The following BBX variants were observed in gnomAD, a reference collection of about 807,000 sequenced individuals.
The protein encoded by BBX is HMG box transcription factor BBX.
In BBX, 30 loss-of-function variants were observed where a neutral mutation model predicts 100.2. The ratio of observed to expected loss-of-function variants is 0.30; its 90% CI spans 0.22 to 0.41. BBX has a LOEUF of 0.41. Among genes scored for constraint, BBX ranks in the 10% least tolerant of loss-of-function variants. The pLI, the probability that BBX is intolerant of heterozygous loss-of-function variation, is 1.00. For missense variants in BBX, 1,023 were observed against 1,129.8 expected (o/e 0.91, Z 1.35); for synonymous variants, 376 against 388.1 (o/e 0.97, Z 0.37).
chr3:107,749,383 C>T (rs1433003232), intron 9 of BBX, among the ~76,000 whole-genome samples: 1 of 152,102 alleles, frequency 6.6e-6, no homozygotes, highest in Non-Finnish European at 1.5e-5. Flanking sequence ...ATGTCTGAGC[C>T]AGTTCTATCT....
chr3:107,609,133 A>C (rs1219062732), intron 2 of BBX, among the ~76,000 whole-genome samples: 1 of 151,940 alleles, frequency 6.6e-6, no homozygotes, highest in African/African-American at 2.4e-5. Context: ...CTTGTTCCAG[A>C]TCTTAGAGGA....
At chr3:107,770,091 A>G (rs980179036) in intron 10 of BBX, among the ~76,000 whole-genome samples, 12 of 152,174 alleles carry the variant, frequency 7.9e-5, no homozygotes, top group African/African-American at 2.7e-4. Flanking sequence ...CACAAGAAAT[A>G]TTGTGCTATT....
intron 2 of BBX, among the ~76,000 whole-genome samples, chr3:107,545,360 G>A (rs1464904288): frequency 1.3e-5 from 2 of 152,214 alleles, no homozygotes; most frequent in African/African-American, 4.8e-5. Flanking sequence ...TTGGCAATCT[G>A]TGATGAGGAA....
At chr3:107,587,413 A>T (rs910627885) in intron 2 of BBX, among the ~76,000 whole-genome samples, 6 of 151,860 alleles carry the variant, frequency 4.0e-5, no homozygotes, top group African/African-American at 1.5e-4. Flanking sequence ...TACATATTGG[A>T]ATGATTTGGA....
At position 107,657,423 on chromosome 3, in the gene BBX, C is replaced by T. The variant is rs193178832; in HGVS notation, c.-10+11514C>T. Among the ~76,000 whole-genome samples the T allele has an allele frequency of 6.6e-5, 10 of 152,158 alleles. No homozygotes were observed. The South Asian group carries it at 8.3e-4, about 13-fold the overall frequency. ...GCCTCTGTTTTGTGTGTTTAGTTATCGTAAATTTAGCTTTCACTGTGTTTC... is the reference window on the plus strand; with the variant it reads ...GCCTCTGTTTTGTGTGTTTAGTTATTGTAAATTTAGCTTTCACTGTGTTTC... On this transcript the variant is annotated intron_variant, in intron 3 of 17. Coordinates refer to ENST00000325805, the MANE Select transcript of BBX (RefSeq NM_001142568.3).
chr3:107,741,869 C>T (rs901987921), intron 7 of BBX, among the ~76,000 whole-genome samples: 6 of 152,088 alleles, frequency 3.9e-5, no homozygotes, highest in Non-Finnish European at 2.9e-5. Context: ...GATAGAATTT[C>T]TTATTTCTTT....
chr3:107,727,103 A>T, intron 5 of BBX, among the ~76,000 whole-genome samples: 1 of 152,106 alleles, frequency 6.6e-6, no homozygotes, highest in African/African-American at 2.4e-5. Context: ...CCCCCCCCAA[A>T]AAAAATAGAT....
chr3:107,717,131 G>T (rs1250502923), intron 5 of BBX, among the ~76,000 whole-genome samples: 1 of 152,116 alleles, frequency 6.6e-6, no homozygotes, highest in East Asian at 1.9e-4. Flanking sequence ...TTGATTTATT[G>T]TGAAGGTTTA....
chr3:107,537,227 C>T (rs929324118), intron 2 of BBX, among the ~76,000 whole-genome samples: 31 of 152,226 alleles, frequency 2.0e-4, no homozygotes, highest in African/African-American at 2.9e-4. Flanking sequence ...TTGCTATTAA[C>T]GTCACCATAT....
chr3:107,656,659 C>T lies in BBX; in HGVS notation c.-10+10750C>T, dbSNP rs148404495. Among the ~76,000 whole-genome samples the T allele has an allele frequency of 1.6e-3, 241 of 152,200 alleles. 1 individual carries two copies. Among genetic ancestry groups the T allele is most frequent in the African/African-American group, 5.5e-3 (228 of 41,536 alleles). ...CTGTTTCTTTTTAGAACCTGAACAA[C>T]GTATAGTGGTCTCACTGGAAAAATG... On this transcript the variant is annotated intron_variant, in intron 3 of 17. Transcript: ENST00000325805.
intron 2 of BBX, among the ~76,000 whole-genome samples, chr3:107,587,679 G>T (rs1410425253): frequency 1.3e-5 from 2 of 152,136 alleles, no homozygotes. Flanking sequence ...GGAGATGCGG[G>T]CCCCAACTGA....
intron 2 of BBX, among the ~76,000 whole-genome samples, chr3:107,533,142 A>T (rs1344559324): frequency 1.3e-5 from 2 of 152,182 alleles, no homozygotes; most frequent in African/African-American, 4.8e-5. Flanking sequence ...TATCCTAGAT[A>T]TAGCTAGGAA....
chr3:107,742,162 A>T (rs967438849), intron 7 of BBX, among the ~76,000 whole-genome samples: 2 of 152,118 alleles, frequency 1.3e-5, no homozygotes, highest in African/African-American at 4.8e-5. Flanking sequence ...CTTCTTGAGA[A>T]ATTTGGGGGC....
intron 10 of BBX, 110 bp from the exon 11 acceptor site, chr3:107,772,518 A>C: frequency 8.5e-7 from 1 of 1,180,570 alleles, no homozygotes; most frequent in Non-Finnish European, 1.2e-6. Context: ...TGTAAAGTTT[A>C]AAGTGTGTTT....
At chr3:107,610,567 T>C (rs902841810) in intron 2 of BBX, among the ~76,000 whole-genome samples, 2 of 152,086 alleles carry the variant, frequency 1.3e-5, no homozygotes, top group Non-Finnish European at 2.9e-5. Flanking sequence ...GATTCTCCTG[T>C]TGAATTAACT....
intron 3 of BBX, among the ~76,000 whole-genome samples, chr3:107,690,602 A>G (rs925095176): frequency 4.6e-5 from 7 of 152,168 alleles, no homozygotes; most frequent in Non-Finnish European, 4.4e-5. Flanking sequence ...GTGATTTCCC[A>G]GGTTTATATG....
chr3:107,646,837 A>G lies in BBX; in HGVS notation c.-10+928A>G, dbSNP rs918997882. 5.3e-4 allele frequency among the ~76,000 whole-genome samples: 80 copies of G among 152,138 alleles called. 5 individuals carry two copies. The highest frequency in any genetic ancestry group is 2.9e-5 in the Non-Finnish European group (2 of 67,982). ...GTAGCTTATTACATCTGTCTAGATT[A>G]TGTGTCTACCTTCCCCTTTTGGTAA... On this transcript the variant is annotated intron_variant, in intron 3 of 17. Coordinates refer to ENST00000325805, the MANE Select transcript of BBX (RefSeq NM_001142568.3).
intron 2 of BBX, among the ~76,000 whole-genome samples, chr3:107,540,926 A>T (rs2048820960): frequency 6.6e-6 from 1 of 152,146 alleles, no homozygotes; most frequent in Admixed American, 6.5e-5. Context: ...AATGATGGTT[A>T]AAAATTCTTA....
At chr3:107,609,142 G>A (rs2054653502) in intron 2 of BBX, among the ~76,000 whole-genome samples, 1 of 151,948 alleles carries the variant, frequency 6.6e-6, no homozygotes, top group South Asian at 2.1e-4. Flanking sequence ...GATCTTAGAG[G>A]AAAGGCTTTT....
Sources: allele counts gnomAD v4.1 joint callset (sites outside exome capture counted in the v4.1 genomes callset), GRCh38; gene constraint gnomAD v4.1.1; transcripts MANE v1.5; gene names NCBI Gene and HGNC (gene_info 2026-07-23, HGNC 2026-07-21).